The following CCDC146 variants were observed in gnomAD, a reference collection of about 807,000 sequenced individuals.
CCDC146 encodes coiled-coil domain containing 146, also known as coiled-coil domain-containing protein 146.
In CCDC146, 92 loss-of-function variants were observed where a neutral mutation model predicts 119.3. The observed-to-expected ratio is 0.77, with a 90% CI of 0.65 to 0.92. The LOEUF (loss-of-function observed/expected upper bound fraction) is 0.92, where lower values mean the gene tolerates loss of function less well. Among genes scored for constraint, CCDC146 ranks in the 40% least tolerant of loss-of-function variants. CCDC146 has a pLI of 0.00. For synonymous variants in CCDC146, 372 were observed against 371.8 expected, an observed-to-expected ratio of 1.00 and a Z score of -0.01; for missense variants, 1,000 against 1,103.0, an observed-to-expected ratio of 0.91 and a Z score of 1.32.
chr7:77,267,783 G>A (rs1463816317), intron 9 of CCDC146, among the ~76,000 whole-genome samples: 2 of 151,842 alleles, frequency 1.3e-5, no homozygotes, highest in Non-Finnish European at 2.9e-5. Flanking sequence ...TATAGTTTTC[G>A]GTGTGCTTAT....
intron 7 of CCDC146, 60 bp from the exon 8 acceptor site, chr7:77,259,939 AGTGTGTGTGT>A (rs58669153): frequency 0.15 from 112,511 of 742,504 alleles, 7,065 homozygotes; most frequent in South Asian, 0.16. Context: ...AAATAAGGCA[AGTGTGTGTGT>A]GTGTGTGTGT....
intron 2 of CCDC146, among the ~76,000 whole-genome samples, chr7:77,175,292 T>C (rs1449155784): frequency 6.7e-6 from 1 of 150,206 alleles, no homozygotes; most frequent in Non-Finnish European, 1.5e-5. Flanking sequence ...CTTTATTTCC[T>C]GAAAATAATT....
chr7:77,221,087 A>T (rs1792395160), intron 2 of CCDC146, among the ~76,000 whole-genome samples: 1 of 152,102 alleles, frequency 6.6e-6, no homozygotes, highest in Non-Finnish European at 1.5e-5. Flanking sequence ...ACACAGTTTA[A>T]ACCAACCAGA....
chr7:77,199,364 G>C, intron 2 of CCDC146: 1 of 1,613,950 alleles, frequency 6.2e-7, no homozygotes, highest in Non-Finnish European at 8.5e-7. Context: ...GCATTCTTTA[G>C]CTCAGAGGAC....
At chr7:77,208,355 G>A (rs563982233) in intron 2 of CCDC146, among the ~76,000 whole-genome samples, 148 of 152,228 alleles carry the variant, frequency 9.7e-4, no homozygotes, top group African/African-American at 3.3e-3. Flanking sequence ...AGATGGTATA[G>A]CCTACTACAC....
intron 2 of CCDC146, among the ~76,000 whole-genome samples, chr7:77,172,779 A>G (rs1435337203): frequency 6.6e-6 from 1 of 152,168 alleles, no homozygotes; most frequent in Non-Finnish European, 1.5e-5. Flanking sequence ...CTATCCACCA[A>G]TCTGCCTAGT....
intron 1 of CCDC146, among the ~76,000 whole-genome samples, chr7:77,162,922 C>T (rs899174392): frequency 2.0e-5 from 3 of 152,118 alleles, no homozygotes; most frequent in African/African-American, 7.2e-5. Context: ...TATCAGAACT[C>T]TGTTGTAGTG....
At chr7:77,193,790 CTTAA>C (rs1429276298) in intron 2 of CCDC146, 1 of 152,274 alleles carries the variant, frequency 6.6e-6, no homozygotes, top group African/African-American at 2.4e-5. Flanking sequence ...CAGAAATAGT[CTTAA>C]TTAAGATAAC....
At chr7:77,251,367 T>C (rs557058927) in intron 4 of CCDC146, among the ~76,000 whole-genome samples, 1 of 152,276 alleles carries the variant, frequency 6.6e-6, no homozygotes, top group African/African-American at 2.4e-5. Context: ...TCTCTCTACT[T>C]AAACTGCCCA....
intron 1 of CCDC146, among the ~76,000 whole-genome samples, chr7:77,158,708 C>T (rs369582155): frequency 6.6e-6 from 1 of 151,982 alleles, no homozygotes; most frequent in Non-Finnish European, 1.5e-5. Context: ...TTAGTAGAGA[C>T]GGGGTTTCAC....
chr7:77,212,818 A>C (rs1479617739), intron 2 of CCDC146, among the ~76,000 whole-genome samples: 3 of 151,954 alleles, frequency 2.0e-5, no homozygotes, highest in Admixed American at 2.0e-4. Context: ...TGTAATAGAA[A>C]ATTTTTTTTA....
chr7:77,164,536 G>C lies in CCDC146; in HGVS notation c.-11-3122G>C, dbSNP rs1421605523. The stretch of plus-strand genomic sequence containing the variant: ...AGATATTTGGAGCCTCCTGATGGAA[G>C]TATATGTTACCGCCTCTGAAGTATT... On this transcript the variant is annotated intron_variant, in intron 1 of 18. Transcript: ENST00000285871. Among the ~76,000 whole-genome samples the C allele has an allele frequency of 2.6e-5, 4 of 152,210 alleles. No homozygotes were observed. In the East Asian group the frequency reaches 7.7e-4, roughly 29 times the overall value.
At position 77,135,664 on chromosome 7, in the gene CCDC146, A is replaced by G. The variant is rs761542468; in HGVS notation, c.-12+12932A>G. Among the ~76,000 whole-genome samples the G allele has an allele frequency of 4.6e-5, 7 of 152,340 alleles. No individual in the cohort carries two copies. The East Asian group carries it at 1.3e-3, about 29-fold the overall frequency. ...CTGTCAACAACATTAAGAACTTACT[A>G]TATATCAGTAATCGCTTTGAACAGC... On this transcript the variant is annotated intron_variant, in intron 1 of 18. Coordinates refer to ENST00000285871, the MANE Select transcript of CCDC146 (RefSeq NM_020879.3).
intron 4 of CCDC146, among the ~76,000 whole-genome samples, chr7:77,252,207 A>G (rs1033360949): frequency 3.3e-5 from 5 of 152,272 alleles, no homozygotes; most frequent in Middle Eastern, 3.4e-3. Flanking sequence ...CAAAATATCT[A>G]ATTTATGTCA....
chr7:77,232,553 C>G (rs921741350), intron 2 of CCDC146, among the ~76,000 whole-genome samples: 8 of 152,246 alleles, frequency 5.3e-5, no homozygotes, highest in Non-Finnish European at 1.0e-4. Context: ...ATCCTACACT[C>G]TGTTCCAAAT....
At chr7:77,134,563 C>CTG (rs1554345524) in intron 1 of CCDC146, among the ~76,000 whole-genome samples, 25,426 of 139,296 alleles carry the variant, frequency 0.18, 2,271 homozygotes, top group African/African-American at 0.24. Flanking sequence ...GTGTGTGTGT[C>CTG]TGTGTGTGTG....
chr7:77,242,458 T>A (rs1792868461), intron 4 of CCDC146: 2 of 879,684 alleles, frequency 2.3e-6, no homozygotes, highest in Non-Finnish European at 2.7e-6. Flanking sequence ...ACACATTTAC[T>A]TATCCAAATT....
At chr7:77,217,721 A>G (rs905469257) in intron 2 of CCDC146, among the ~76,000 whole-genome samples, 2 of 152,134 alleles carry the variant, frequency 1.3e-5, no homozygotes, top group African/African-American at 4.8e-5. Flanking sequence ...GGTATAGCCT[A>G]CTATACACTT....
At chr7:77,263,141 C>T (rs1793335254) in intron 9 of CCDC146, among the ~76,000 whole-genome samples, 1 of 152,192 alleles carries the variant, frequency 6.6e-6, no homozygotes, top group South Asian at 2.1e-4. Context: ...CTGATCCTAA[C>T]CTATGCCTAG....
Sources: gnomAD v4.1 joint callset for allele counts (sites outside exome capture counted in the v4.1 genomes callset) on GRCh38, gnomAD v4.1.1 for gene constraint, MANE v1.5 for transcripts, NCBI Gene and HGNC (gene_info 2026-07-23, HGNC 2026-07-21) for gene names.